Variants in LRP1B observed in about 807,000 individuals in gnomAD.
The protein encoded by LRP1B is low-density lipoprotein receptor-related protein 1B.
In LRP1B, 217 loss-of-function variants were observed where a neutral mutation model predicts 556.6. The ratio of observed to expected loss-of-function variants is 0.39; its 90% CI spans 0.35 to 0.44. The LOEUF (loss-of-function observed/expected upper bound fraction) is 0.44, where lower values mean the gene tolerates loss of function less well. LRP1B is among the 20% of genes least tolerant of loss of function. The pLI, the probability that LRP1B is intolerant of heterozygous loss-of-function variation, is 1.00. For missense variants in LRP1B, 5,053 were observed against 5,620.8 expected, an observed-to-expected ratio of 0.90 and a Z score of 3.23; for synonymous variants, 2,047 against 1,865.8, an observed-to-expected ratio of 1.10 and a Z score of -2.50.
At chr2:140,494,252 C>A (rs1453579401) in intron 56 of LRP1B, among the ~76,000 whole-genome samples, 1 of 152,130 alleles carries the variant, frequency 6.6e-6, no homozygotes, top group Non-Finnish European at 1.5e-5. Flanking sequence ...ATCTCCTCTA[C>A]ACAATCCTTT....
chr2:140,604,130 C>G lies in LRP1B; in HGVS notation c.6800-2491G>C, dbSNP rs182644129. Among the ~76,000 whole-genome samples, 17 of 151,178 alleles carry G rather than the reference C, an allele frequency of 1.1e-4. No homozygotes were observed. In the East Asian group the frequency reaches 3.3e-3, roughly 30 times the overall value. On this transcript the variant is annotated intron_variant, in intron 41 of 90. Coordinates refer to ENST00000389484, the MANE Select transcript of LRP1B (RefSeq NM_018557.3). ...AAATATTGAGCAGAGTAAATCAATA[C>G]AGGGCTAAATTCTTGGAACTCAAGG... is the stretch of plus-strand genomic sequence containing the variant.
Position 141,007,238 on chromosome 2 carries a change from T to G in LRP1B, c.2381-1781A>C, listed in dbSNP as rs149195855. 4.0e-5 allele frequency among the ~76,000 whole-genome samples: 6 copies of G among 151,850 alleles called. No individual in the cohort carries two copies. The East Asian group carries it at 1.2e-3, about 30-fold the overall frequency. The stretch of plus-strand genomic sequence containing the variant: ...GTTGGATGTGCTATACGGAGGATAA[T>G]AAGAAGTAAGAAAAAAACTCTAAAA... On this transcript the variant is annotated intron_variant, in intron 14 of 90. Coordinates refer to ENST00000389484, the MANE Select transcript of LRP1B (RefSeq NM_018557.3).
At chr2:141,456,441 T>C (rs549386091) in intron 3 of LRP1B, among the ~76,000 whole-genome samples, 297 of 152,320 alleles carry the variant, frequency 1.9e-3, no homozygotes, top group Non-Finnish European at 3.6e-3. Context: ...AAACTGTTGA[T>C]ATTACTTTGT....
chr2:142,024,789 C>T (rs1383571692), intron 1 of LRP1B, among the ~76,000 whole-genome samples: 1 of 151,944 alleles, frequency 6.6e-6, no homozygotes, highest in Admixed American at 6.6e-5. Context: ...ATTTGACTAC[C>T]TGTCATTCTT....
chr2:140,639,033 A>G (rs1237846929), intron 41 of LRP1B, among the ~76,000 whole-genome samples: 1 of 152,090 alleles, frequency 6.6e-6, no homozygotes, highest in East Asian at 1.9e-4. Context: ...TCTTTTCCCA[A>G]GCTGTGAAGG....
chr2:141,914,427 TG>T (rs199865061), intron 1 of LRP1B, among the ~76,000 whole-genome samples: 2,846 of 152,262 alleles, frequency 0.019, 44 homozygotes, highest in Middle Eastern at 0.058. Flanking sequence ...TGACTTGAAG[TG>T]CCAGATATAA....
intron 1 of LRP1B, among the ~76,000 whole-genome samples, chr2:142,014,101 AG>A (rs1334196715): frequency 6.6e-6 from 1 of 151,778 alleles, no homozygotes; most frequent in Non-Finnish European, 1.5e-5. Flanking sequence ...TTGTACCTAG[AG>A]TGGACGCATT....
intron 86 of LRP1B, among the ~76,000 whole-genome samples, chr2:140,252,707 T>G (rs973287884): frequency 6.6e-6 from 1 of 152,048 alleles, no homozygotes; most frequent in African/African-American, 2.4e-5. Context: ...AGTGTAAGAA[T>G]TATCACACTG....
intron 3 of LRP1B, among the ~76,000 whole-genome samples, chr2:141,453,684 G>T (rs537750635): frequency 6.6e-6 from 1 of 152,198 alleles, no homozygotes; most frequent in South Asian, 2.1e-4. Flanking sequence ...TTGGGAAGCC[G>T]AGGCAGGTGG....
chr2:141,121,654 C>T (rs946991838), intron 7 of LRP1B, among the ~76,000 whole-genome samples: 1 of 151,944 alleles, frequency 6.6e-6, no homozygotes, highest in Non-Finnish European at 1.5e-5. Context: ...GAATCAATAT[C>T]GTGAAAATGG....
intron 2 of LRP1B, among the ~76,000 whole-genome samples, chr2:141,627,406 ATG>A (rs1302774960): frequency 6.6e-6 from 1 of 152,182 alleles, no homozygotes; most frequent in Non-Finnish European, 1.5e-5. Context: ...AATGTATAGT[ATG>A]TGTCGCCAGC....
intron 2 of LRP1B, among the ~76,000 whole-genome samples, chr2:141,703,735 G>A (rs1259761010): frequency 6.6e-6 from 1 of 151,918 alleles, no homozygotes; most frequent in Non-Finnish European, 1.5e-5. Flanking sequence ...ACCTCCCACA[G>A]TGATATTGCT....
chr2:141,646,243 T>C (rs534561742), intron 2 of LRP1B, among the ~76,000 whole-genome samples: 20 of 152,278 alleles, frequency 1.3e-4, no homozygotes, highest in African/African-American at 4.3e-4. Flanking sequence ...TGTATTGAAA[T>C]GTATGTATGT....
chr2:141,113,995 G>A (rs1700818066), intron 7 of LRP1B, among the ~76,000 whole-genome samples: 1 of 152,224 alleles, frequency 6.6e-6, no homozygotes, highest in Admixed American at 6.5e-5. Flanking sequence ...GTCATTCTAT[G>A]TATGGAGCTA....
intron 5 of LRP1B, among the ~76,000 whole-genome samples, chr2:141,235,496 G>A (rs892792379): frequency 1.3e-5 from 2 of 152,010 alleles, no homozygotes; most frequent in South Asian, 2.1e-4. Context: ...GTTGGTATTC[G>A]GTCTCAGCCT....
chr2:140,788,581 T>C (rs767390796), intron 32 of LRP1B, among the ~76,000 whole-genome samples: 2 of 152,170 alleles, frequency 1.3e-5, no homozygotes, highest in African/African-American at 4.8e-5. Flanking sequence ...ACCTCTCTAT[T>C]TGTATAACAA....
chr2:140,247,980 G>A (rs538526079), intron 86 of LRP1B, among the ~76,000 whole-genome samples: 23 of 151,624 alleles, frequency 1.5e-4, no homozygotes, highest in Admixed American at 2.6e-4. Flanking sequence ...GCTTCAGTTC[G>A]TAGTTAAAAT....
At chr2:140,357,315 T>C (rs979580653) in intron 74 of LRP1B, among the ~76,000 whole-genome samples, 1 of 151,540 alleles carries the variant, frequency 6.6e-6, no homozygotes, top group Non-Finnish European at 1.5e-5. Context: ...TTTAGACACA[T>C]GCAGCCATAT....
At chr2:141,974,920 G>T (rs944708525) in intron 1 of LRP1B, among the ~76,000 whole-genome samples, 1 of 151,880 alleles carries the variant, frequency 6.6e-6, no homozygotes, top group African/African-American at 2.4e-5. Flanking sequence ...CTCATAATTT[G>T]TTTTCCCCCT....
Sources: allele counts gnomAD v4.1 joint callset (sites outside exome capture counted in the v4.1 genomes callset), GRCh38; gene constraint gnomAD v4.1.1; transcripts MANE v1.5; gene names NCBI Gene and HGNC (gene_info 2026-07-23, HGNC 2026-07-21).